Variants in SDK2 observed in about 807,000 individuals in gnomAD.
SDK2 encodes protein sidekick-2.
Under a neutral mutation model 253.9 loss-of-function variants are expected in SDK2, and 105 were observed. That is an observed-to-expected ratio of 0.41 (90% CI 0.35 to 0.49). SDK2 has a LOEUF of 0.49. SDK2 is among the 20% of genes least tolerant of loss of function. SDK2 has a pLI of 0.06. For synonymous variants in SDK2, 1,249 were observed against 1,234.9 expected (o/e 1.01, Z -0.24); for missense variants, 2,608 against 3,003.0 (o/e 0.87, Z 3.07).
intron 1 of SDK2, among the ~76,000 whole-genome samples, chr17:73,549,304 G>T (rs1313087044): frequency 6.6e-6 from 1 of 152,186 alleles, no homozygotes; most frequent in African/African-American, 2.4e-5. Context: ...AGCCACCTGG[G>T]CTGCTCACTG....
At chr17:73,397,941 A>G (rs1307705935) in intron 24 of SDK2, 94 bp downstream of exon 24, 1 of 1,360,280 alleles carries the variant, frequency 7.4e-7, no homozygotes, top group Non-Finnish European at 1.0e-6. Flanking sequence ...AAGAGAGGAG[A>G]AAGGAGCTGT....
intron 1 of SDK2, among the ~76,000 whole-genome samples, chr17:73,522,234 G>A (rs1599645842): frequency 2.0e-5 from 3 of 152,380 alleles, no homozygotes; most frequent in African/African-American, 4.8e-5. Flanking sequence ...CAGGGTGGGC[G>A]GATGGGCTGC....
intron 1 of SDK2, among the ~76,000 whole-genome samples, chr17:73,627,831 C>T (rs1407290869): frequency 6.6e-6 from 1 of 152,118 alleles, no homozygotes; most frequent in Admixed American, 6.5e-5. Context: ...GGGCGGATCA[C>T]GAGATCAGGA....
rs139351764 is a variant in SDK2 at position 73,534,021 on chromosome 17, C to T, written c.65-26424G>A. Among the ~76,000 whole-genome samples the T allele has an allele frequency of 3.9e-5, 6 of 152,262 alleles. No homozygotes were observed. The South Asian group carries it at 6.2e-4, about 16-fold the overall frequency. On this transcript the variant is annotated intron_variant, in intron 1 of 44. Transcript: ENST00000392650. This position sits in a 1 kb window ranked among gnomAD's most constrained non-coding sequence, Gnocchi z 4.9. ...TCTGCACCTCCGCTTGCAGCCAAGA[C>T]GCCATTCTGCTCCGCCTGCTCCCTG...
chr17:73,344,096 G>C (rs974687067), intron 44 of SDK2, among the ~76,000 whole-genome samples: 2 of 152,180 alleles, frequency 1.3e-5, no homozygotes, highest in East Asian at 3.9e-4. Flanking sequence ...AGGTGGGGTA[G>C]GGGTGATGTG....
chr17:73,433,610 TACAGTGTATG>T, intron 10 of SDK2, 112 bp downstream of exon 10: 1 of 710,900 alleles, frequency 1.4e-6, no homozygotes, highest in Non-Finnish European at 2.5e-6. Context: ...TCTTGGGTTG[TACAGTGTATG>T]ACCTTCACAA....
chr17:73,464,562 A>G (rs116579958), intron 3 of SDK2, among the ~76,000 whole-genome samples: 2,198 of 152,274 alleles, frequency 0.014, 46 homozygotes, highest in African/African-American at 0.05. Flanking sequence ...TCTGTCCCCA[A>G]GTTCTCTCCT....
At chr17:73,421,351 T>C (rs1310495165) in intron 15 of SDK2, among the ~76,000 whole-genome samples, 2 of 152,182 alleles carry the variant, frequency 1.3e-5, no homozygotes, top group Non-Finnish European at 2.9e-5. Flanking sequence ...AAAACCACCA[T>C]GATTGATTTA....
intron 1 of SDK2, among the ~76,000 whole-genome samples, chr17:73,601,693 A>T (rs1599716842): frequency 6.6e-6 from 1 of 151,800 alleles, no homozygotes; most frequent in African/African-American, 2.4e-5. Context: ...TCCAGAAGGA[A>T]CCAACCCTGC....
intron 1 of SDK2, among the ~76,000 whole-genome samples, chr17:73,540,606 C>T (rs7213564): frequency 0.39 from 58,903 of 151,892 alleles, 11,523 homozygotes; most frequent in South Asian, 0.46. Context: ...TTTATTGCTC[C>T]CACTTAAGCA....
rs1037835286 is a variant in SDK2 at position 73,379,969 on chromosome 17, G to A, written c.4763-420C>T. Among the ~76,000 whole-genome samples the A allele has an allele frequency of 2.0e-5, 3 of 152,026 alleles. No individual in the cohort carries two copies. Among genetic ancestry groups the A allele is most frequent in the East Asian group, 1.9e-4 (1 of 5,168 alleles). On this transcript the variant is annotated intron_variant, in intron 34 of 44. Transcript: ENST00000392650. This position sits in a 1 kb window ranked among gnomAD's most constrained non-coding sequence, Gnocchi z 4.5. ...CCCATCCACCAACTCTTTACACAGCGGGGCTCAGCTCCAGGGGGGAGGGGC... is the reference window on the plus strand; with the variant it reads ...CCCATCCACCAACTCTTTACACAGCAGGGCTCAGCTCCAGGGGGGAGGGGC...
chr17:73,390,301 G>GTCGCCGCA lies in SDK2; in HGVS notation c.4177_4178insTGCGGCGA (p.Thr1393MetfsTer24). ...TGGGCAGTCACCTCTCTTCTCGGTG[G>GTCGCCGCA]TCACCACCAAGGCCTCGGCAGCTTC... On this transcript the variant is annotated frameshift_variant, in exon 29 of 45. Coordinates refer to ENST00000392650, the MANE Select transcript of SDK2 (RefSeq NM_001144952.2). LOFTEE classifies it high-confidence loss of function. The GTCGCCGCA allele has an allele frequency of 2.5e-6, 4 of 1,587,956 alleles. No individual in the cohort carries two copies. The highest frequency in any genetic ancestry group is 3.4e-6 in the Non-Finnish European group (4 of 1,170,600).
Position 73,465,605 on chromosome 17 carries a change from G to A in SDK2, c.331+6507C>T, listed in dbSNP as rs1014402570. On this transcript the variant is annotated intron_variant, in intron 3 of 44. Transcript: ENST00000392650. This position sits in a 1 kb window ranked among gnomAD's most constrained non-coding sequence, Gnocchi z 4.2. ...CTCCAAGTGGGGACAGGAAGGGGCTGGGGAGGGGGGAAGATGTTTTATTGA... is the reference window on the plus strand; with the variant it reads ...CTCCAAGTGGGGACAGGAAGGGGCTAGGGAGGGGGGAAGATGTTTTATTGA... 1.3e-5 allele frequency among the ~76,000 whole-genome samples: 2 copies of A among 152,190 alleles called. No individual in the cohort carries two copies. Among genetic ancestry groups the A allele is most frequent in the African/African-American group, 2.4e-5 (1 of 41,440 alleles).
In SDK2 at chr17:73,338,947, G is replaced by A. The variant is rs774214709; in HGVS notation, c.6166-7C>T. The A allele has an allele frequency of 3.7e-6, 6 of 1,612,534 alleles. No homozygotes were observed. The highest frequency in any genetic ancestry group is 4.2e-6 in the Non-Finnish European group (5 of 1,178,694). On this transcript the variant is annotated splice_polypyrimidine_tract_variant and splice_region_variant and intron_variant, in intron 44 of 44. Coordinates refer to ENST00000392650, the MANE Select transcript of SDK2 (RefSeq NM_001144952.2). The surrounding 1 kb of genome is among the most constrained non-coding windows in gnomAD (Gnocchi z 5.0). ...CGTACTCGCTGTCACTTCCCTGGGA[G>A]GACAGAGAATCAGGGTGTGTCAGTG...
chr17:73,613,581 GCGGCCC>G lies in SDK2; in HGVS notation c.64+30438_64+30443del, dbSNP rs1452456626. ...AGGTTTCTGAAATCGGAGCCACTGT[GCGGCCC>G]CACCCCCACCCCCACCCCCAGCCCC... On this transcript the variant is annotated intron_variant, in intron 1 of 44. Coordinates refer to ENST00000392650, the MANE Select transcript of SDK2 (RefSeq NM_001144952.2). Among the ~76,000 whole-genome samples the G allele has an allele frequency of 6.6e-3, 875 of 132,214 alleles. 17 individuals are homozygous for G. The highest frequency in any genetic ancestry group is 0.025 in the African/African-American group (831 of 33,696). The allele number at this position is 132,214 out of a possible 152,430, so 86.7% of individuals were successfully genotyped here. A position where few individuals can be genotyped will look rare whatever the true frequency, so the allele number is the denominator to read the frequency against.
chr17:73,381,109 C>G (rs538629169), intron 33 of SDK2, among the ~76,000 whole-genome samples, 159 bp from the exon 34 acceptor site: 1 of 152,180 alleles, frequency 6.6e-6, no homozygotes, highest in Admixed American at 6.5e-5. Flanking sequence ...TGCTGAGTTA[C>G]GGGCCAGGAT....
In SDK2 at chr17:73,437,958, T is replaced by C; in HGVS notation, c.916+6A>G. On this transcript the variant is annotated splice_donor_region_variant and intron_variant, in intron 7 of 44. Transcript: ENST00000392650. ...GGGGAGCCCTAGCAGCCCCACCCTC[T>C]CTCACCCAGCACTGAGAGGTAGGCG... 2 of 1,552,696 alleles carry C rather than the reference T, an allele frequency of 1.3e-6. No individual in the cohort carries two copies.
chr17:73,614,264 C>T (rs774468040), intron 1 of SDK2, among the ~76,000 whole-genome samples: 4 of 152,166 alleles, frequency 2.6e-5, no homozygotes, highest in Admixed American at 6.5e-5. Context: ...GTTCTTGCCT[C>T]GCTTTACAGT....
intron 12 of SDK2, among the ~76,000 whole-genome samples, chr17:73,427,170 C>T (rs2063290452): frequency 6.6e-6 from 1 of 152,200 alleles, no homozygotes; most frequent in Non-Finnish European, 1.5e-5. Flanking sequence ...GCAGAGATCA[C>T]TGCCTGTGAA....
Sources: allele counts gnomAD v4.1 joint callset (sites outside exome capture counted in the v4.1 genomes callset), GRCh38; gene constraint gnomAD v4.1.1; non-coding constraint Gnocchi (gnomAD v3.1); transcripts MANE v1.5; gene names NCBI Gene and HGNC (gene_info 2026-07-23, HGNC 2026-07-21).